MCC: variants seen among roughly 807,000 people sequenced by gnomAD.
MCC encodes colorectal mutant cancer protein.
In MCC, 90 loss-of-function variants were observed where a neutral mutation model predicts 116.2. The observed-to-expected ratio is 0.77, with a 90% CI of 0.65 to 0.92. MCC has a LOEUF of 0.92. Among genes scored for constraint, MCC ranks in the 40% least tolerant of loss-of-function variants. The probability of loss-of-function intolerance (pLI) is 0.00; values close to 1 mark genes in which losing one functional copy is unlikely to be tolerated. For synonymous variants in MCC, 578 were observed against 510.5 expected (o/e 1.13, Z -1.78); for missense variants, 1,516 against 1,312.2 (o/e 1.16, Z -2.40).
rs777743671 is a variant in MCC at position 113,043,591 on chromosome 5, C to T, written c.2695G>A (p.Glu899Lys). The T allele has an allele frequency of 5.3e-5, 86 of 1,614,014 alleles. No individual in the cohort carries two copies. The highest frequency in any genetic ancestry group is 6.7e-5 in the Non-Finnish European group (79 of 1,180,004). The stretch of plus-strand genomic sequence containing the variant: ...TTCTCGCTGCACGTTGTCCTGAGTT[C>T]GGCTAGGGACAGAGCTGGGGAGGCA... Reference protein sequence around the residue: ...DAASPALSLAELRTTCSENEL... With the variant: ...DAASPALSLAKLRTTCSENEL... The change falls in exon 17 of 19, where the codon GAA (glutamate) becomes AAA (lysine). Residue 899 changes from glutamate (E) to lysine (K), a missense_variant. By Grantham distance (56) the Glu-to-Lys change is moderately conservative. Transcript: ENST00000408903.
chr5:113,031,772 A>G (rs1750971321), intron 17 of MCC, among the ~76,000 whole-genome samples: 1 of 152,094 alleles, frequency 6.6e-6, no homozygotes, highest in African/African-American at 2.4e-5. Context: ...CCCAGCACCC[A>G]GGCCCTCAGG....
chr5:113,177,512 A>G (rs1369663315), intron 3 of MCC, among the ~76,000 whole-genome samples: 1 of 152,236 alleles, frequency 6.6e-6, no homozygotes, highest in Non-Finnish European at 1.5e-5. Context: ...AGACAGTCCA[A>G]TGACTTCAGT....
intron 1 of MCC, among the ~76,000 whole-genome samples, chr5:113,459,032 G>C (rs937575497): frequency 6.6e-6 from 1 of 151,954 alleles, no homozygotes; most frequent in Non-Finnish European, 1.5e-5. Flanking sequence ...GCCTCTCCCA[G>C]ACAGCTCACT....
At chr5:113,393,560 T>TA (rs1769452791) in intron 1 of MCC, among the ~76,000 whole-genome samples, 1 of 152,160 alleles carries the variant, frequency 6.6e-6, no homozygotes, top group African/African-American at 2.4e-5. Flanking sequence ...TGTTAAAAGG[T>TA]TCAATCTCTC....
In MCC at chr5:113,074,352, G is replaced by T. The variant is rs903799650; in HGVS notation, c.1785-3118C>A. The stretch of plus-strand genomic sequence containing the variant: ...TAGAAGGAAAACTAACAAACAGAAA[G>T]GACATCCACACCAAAACCCCATCTG... On this transcript the variant is annotated intron_variant, in intron 11 of 18. Transcript: ENST00000408903. Among the ~76,000 whole-genome samples the T allele has an allele frequency of 6.6e-5, 10 of 152,260 alleles. No individual in the cohort carries two copies. In the East Asian group the frequency reaches 1.9e-3, roughly 29 times the overall value.
chr5:113,256,905 T>C (rs1215133672), intron 3 of MCC, among the ~76,000 whole-genome samples: 12 of 152,150 alleles, frequency 7.9e-5, no homozygotes, highest in Admixed American at 2.0e-4. Flanking sequence ...CCATAAACCA[T>C]TCTGAGGGCC....
chr5:113,103,815 T>C (rs1291574748), intron 7 of MCC, among the ~76,000 whole-genome samples: 1 of 152,204 alleles, frequency 6.6e-6, no homozygotes, highest in Non-Finnish European at 1.5e-5. Context: ...AATGGACTCC[T>C]GAAATCGTAT....
At chr5:113,351,901 T>C (rs1181884024) in intron 2 of MCC, among the ~76,000 whole-genome samples, 1 of 152,200 alleles carries the variant, frequency 6.6e-6, no homozygotes, top group Non-Finnish European at 1.5e-5. Context: ...TTGAAATTTA[T>C]TATGCCATGT....
At chr5:113,032,570 T>C (rs377499803) in intron 17 of MCC, among the ~76,000 whole-genome samples, 5 of 152,366 alleles carry the variant, frequency 3.3e-5, no homozygotes, top group South Asian at 4.1e-4. Flanking sequence ...TTGTGGATCA[T>C]ATTATATCAC....
chr5:113,228,448 A>G (rs1334102656), intron 3 of MCC, among the ~76,000 whole-genome samples: 1 of 152,178 alleles, frequency 6.6e-6, no homozygotes, highest in East Asian at 1.9e-4. Flanking sequence ...TTAAGGTGAC[A>G]TTTGAGTAGA....
intron 3 of MCC, among the ~76,000 whole-genome samples, chr5:113,157,588 T>C (rs1760244288): frequency 6.6e-6 from 1 of 152,196 alleles, no homozygotes; most frequent in Non-Finnish European, 1.5e-5. Flanking sequence ...AGTGAGTTCA[T>C]CTGGGGTAAA....
At position 113,025,288 on chromosome 5, in the gene MCC, C is replaced by T. The variant is rs1750458774; in HGVS notation, c.*2014G>A. ...TATGTTTTTCAGCCAAAACATTTTCCTCATGATAAAATGCAACTTTATATG... is the reference window on the plus strand; with the variant it reads ...TATGTTTTTCAGCCAAAACATTTTCTTCATGATAAAATGCAACTTTATATG... On this transcript the variant is annotated 3_prime_UTR_variant, in exon 19 of 19. Coordinates refer to ENST00000408903, the MANE Select transcript of MCC (RefSeq NM_001085377.2). 1 of 151,318 alleles carries T rather than the reference C, an allele frequency of 6.6e-6. No homozygotes were observed. The highest frequency in any genetic ancestry group is 2.4e-5 in the African/African-American group (1 of 41,162). The allele number at this position is 151,318 out of a possible 1,614,324, so 9.4% of individuals were successfully genotyped here.
At chr5:113,472,913 G>A (rs1434958015) in intron 1 of MCC, among the ~76,000 whole-genome samples, 3 of 152,136 alleles carry the variant, frequency 2.0e-5, no homozygotes, top group African/African-American at 7.2e-5. Flanking sequence ...TCTTAAGGTA[G>A]TATTAAACTA....
Position 113,067,372 on chromosome 5 carries a change from G to A in MCC, c.2029+708C>T, listed in dbSNP as rs1260826898. Among the ~76,000 whole-genome samples, 5 of 152,334 alleles carry A rather than the reference G, an allele frequency of 3.3e-5. No individual in the cohort carries two copies. In the East Asian group the frequency reaches 7.7e-4, roughly 24 times the overall value. ...TGTTTCAAAACTACTCAAAAGCCGG[G>A]CGCAGTGGCTCACGCATGTAATCCC... On this transcript the variant is annotated intron_variant, in intron 13 of 18. Coordinates refer to ENST00000408903, the MANE Select transcript of MCC (RefSeq NM_001085377.2).
intron 1 of MCC, among the ~76,000 whole-genome samples, chr5:113,463,320 A>G (rs1258965569): frequency 1.3e-5 from 2 of 152,238 alleles, no homozygotes; most frequent in African/African-American, 4.8e-5. Context: ...CTCTAGGTAC[A>G]GTGTGGAGGA....
chr5:113,237,520 A>T (rs1764177391), intron 3 of MCC, among the ~76,000 whole-genome samples: 1 of 152,188 alleles, frequency 6.6e-6, no homozygotes, highest in East Asian at 1.9e-4. Context: ...TGGGATTAGA[A>T]GGTCAGAAAA....
chr5:113,345,136 T>C (rs1288021514), intron 2 of MCC, among the ~76,000 whole-genome samples: 1 of 152,118 alleles, frequency 6.6e-6, no homozygotes, highest in Non-Finnish European at 1.5e-5. Context: ...GAACTCACCA[T>C]GGGTCAGTGG....
intron 3 of MCC, among the ~76,000 whole-genome samples, chr5:113,295,819 A>G (rs1355447434): frequency 6.6e-6 from 1 of 152,242 alleles, no homozygotes; most frequent in African/African-American, 2.4e-5. Context: ...GCTTCAAAAC[A>G]GTAGGTCTGC....
chr5:113,094,887 C>T (rs1190603629), intron 8 of MCC, among the ~76,000 whole-genome samples: 2 of 152,158 alleles, frequency 1.3e-5, no homozygotes, highest in East Asian at 3.8e-4. Context: ...CTCCGTGGCT[C>T]AAGTGTGTGT....
Sources: gnomAD v4.1 joint callset for allele counts (sites outside exome capture counted in the v4.1 genomes callset) on GRCh38, gnomAD v4.1.1 for gene constraint, MANE v1.5 for transcripts, NCBI Gene and HGNC (gene_info 2026-07-23, HGNC 2026-07-21) for gene names.